The following UBTD1 variants were observed in gnomAD, a reference collection of about 807,000 sequenced individuals.
UBTD1 encodes ubiquitin domain containing 1, also known as ubiquitin domain-containing protein 1.
Under a neutral mutation model 21.7 loss-of-function variants are expected in UBTD1, and 19 were observed. The ratio of observed to expected loss-of-function variants is 0.87; its 90% CI spans 0.61 to 1.28. UBTD1 has a LOEUF of 1.28. Among genes scored for constraint, UBTD1 ranks in the 50% most tolerant of loss-of-function variants. The pLI is 0.00. For missense variants in UBTD1, 282 were observed against 315.1 expected (o/e 0.89, Z 0.80); for synonymous variants, 116 against 135.1 (o/e 0.86, Z 0.98).
At chr10:97,501,120 AC>A (rs1350973752) in intron 1 of UBTD1, among the ~76,000 whole-genome samples, 1 of 151,980 alleles carries the variant, frequency 6.6e-6, no homozygotes, top group African/African-American at 2.4e-5. Context: ...GCCCCTTGCC[AC>A]CCTACTTTGT....
At chr10:97,528,658 G>C (rs2040506288) in intron 1 of UBTD1, among the ~76,000 whole-genome samples, 1 of 68,048 alleles carries the variant, frequency 1.5e-5, no homozygotes, top group Non-Finnish European at 3.1e-5. Flanking sequence ...GGGGCGGCTG[G>C]CCGGGCGGGG....
At chr10:97,521,092 G>A (rs887366883) in intron 1 of UBTD1, among the ~76,000 whole-genome samples, 3 of 152,272 alleles carry the variant, frequency 2.0e-5, no homozygotes, top group African/African-American at 4.8e-5. Flanking sequence ...CTCCCATCTC[G>A]CCTCCCCAGC....
At chr10:97,539,963 C>A (rs1452620945) in intron 1 of UBTD1, among the ~76,000 whole-genome samples, 1 of 152,222 alleles carries the variant, frequency 6.6e-6, no homozygotes, top group Non-Finnish European at 1.5e-5. Flanking sequence ...ACAACCACCC[C>A]CAGAGGGCTG....
At position 97,568,084 on chromosome 10, in the gene UBTD1, A is replaced by G. The variant is rs1444841734; in HGVS notation, c.241A>G (p.Asn81Asp). The change falls in exon 2 of 3, where the codon AAC (asparagine) becomes GAC (aspartate). Residue 81 changes from asparagine to aspartate, a missense_variant. Asn to Asp is a conservative substitution (Grantham distance 23). Coordinates refer to ENST00000370664, the MANE Select transcript of UBTD1 (RefSeq NM_024954.5). The stretch of plus-strand genomic sequence containing the variant: ...GGCTGCCGCCTATGCTGCTGAAGCC[A>G]ACGACCACGAGCTGGCCCAGGCCAT... ...LKAAAYAAEA[N>D]DHELAQAILD... The G allele has an allele frequency of 6.2e-7, 1 of 1,613,882 alleles. No individual in the cohort carries two copies. The highest frequency in any genetic ancestry group is 8.5e-7 in the Non-Finnish European group (1 of 1,180,042).
chr10:97,534,705 T>C (rs1235888188), intron 1 of UBTD1, among the ~76,000 whole-genome samples: 1 of 152,010 alleles, frequency 6.6e-6, no homozygotes, highest in African/African-American at 2.4e-5. Context: ...GAAAAGGTGG[T>C]GTGTGTTCCT....
chr10:97,541,559 C>T (rs946044037), intron 1 of UBTD1, among the ~76,000 whole-genome samples: 2 of 152,086 alleles, frequency 1.3e-5, no homozygotes, highest in African/African-American at 4.8e-5. Context: ...TTTCAAGCTC[C>T]TACTGTGTGC....
chr10:97,568,093 G>T lies in UBTD1; in HGVS notation c.250G>T (p.Glu84Ter). ...CTATGCTGCTGAAGCCAACGACCAC[G>T]AGCTGGCCCAGGCCATCCTGGATGG... ...AAYAAEANDH[E>*]LAQAILDGAS... The change falls in exon 2 of 3, where the codon GAG (glutamate) becomes TAG (stop). Residue 84 changes from glutamate to a stop codon, truncating the protein, a stop_gained. Transcript: ENST00000370664. LOFTEE classifies it high-confidence loss of function. 1 of 1,613,802 alleles carries T rather than the reference G, an allele frequency of 6.2e-7. No homozygotes were observed. The highest frequency in any genetic ancestry group is 8.5e-7 in the Non-Finnish European group (1 of 1,180,048).
chr10:97,533,544 G>A (rs893947833), intron 1 of UBTD1, among the ~76,000 whole-genome samples: 4 of 152,154 alleles, frequency 2.6e-5, no homozygotes, highest in South Asian at 4.1e-4. Context: ...AGGGAATGAG[G>A]CCTGATCTGT....
intron 1 of UBTD1, among the ~76,000 whole-genome samples, chr10:97,517,460 AG>A (rs2040449416): frequency 6.6e-6 from 1 of 152,108 alleles, no homozygotes; most frequent in South Asian, 2.1e-4. Context: ...AAGTCGCCTC[AG>A]CTCCCTCATC....
At chr10:97,529,737 AAGAG>A (rs1186851093) in intron 1 of UBTD1, among the ~76,000 whole-genome samples, 5 of 53,094 alleles carry the variant, frequency 9.4e-5, no homozygotes, top group African/African-American at 2.1e-4. Flanking sequence ...AGACCGTGGA[AAGAG>A]AGGGAGAGGG....
At chr10:97,530,859 AT>A (rs775845258) in intron 1 of UBTD1, among the ~76,000 whole-genome samples, 6 of 151,626 alleles carry the variant, frequency 4.0e-5, no homozygotes, top group Non-Finnish European at 7.4e-5. Flanking sequence ...TTATTATATA[AT>A]TTTTATTTTA....
At position 97,499,310 on chromosome 10, in the gene UBTD1, C is replaced by A. The variant is rs759017324; in HGVS notation, c.70+37C>A. The A allele has an allele frequency of 9.1e-6, 14 of 1,539,626 alleles. No homozygotes were observed. In the South Asian group the frequency reaches 1.7e-4, roughly 19 times the overall value. On this transcript the variant is annotated intron_variant, in intron 1 of 2. Transcript: ENST00000370664. ...GAAGGGAGCAGGGCCTCGGGCATCC[C>A]GCCAGTTGTCCCCCTCCTCGCCCGA...
chr10:97,542,153 G>A (rs1269671263), intron 1 of UBTD1, among the ~76,000 whole-genome samples: 1 of 152,210 alleles, frequency 6.6e-6, no homozygotes, highest in East Asian at 1.9e-4. Context: ...CCAGGGCGGG[G>A]GTCAGGCTGA....
At chr10:97,559,923 G>A (rs1245807793) in intron 1 of UBTD1, among the ~76,000 whole-genome samples, 10 of 151,700 alleles carry the variant, frequency 6.6e-5, no homozygotes, top group Admixed American at 6.6e-5. Context: ...ACATTTTTAT[G>A]CCCCTTTATA....
intron 1 of UBTD1, among the ~76,000 whole-genome samples, chr10:97,561,000 G>C (rs1427926291): frequency 1.3e-5 from 2 of 152,074 alleles, no homozygotes; most frequent in Non-Finnish European, 2.9e-5. Flanking sequence ...GGCACGTCGT[G>C]GGTGATCAGG....
intron 1 of UBTD1, among the ~76,000 whole-genome samples, chr10:97,508,555 G>T (rs980142203): frequency 2.0e-5 from 3 of 152,132 alleles, no homozygotes; most frequent in African/African-American, 7.2e-5. Context: ...CTCACAGCTC[G>T]TTCCATTGTG....
At chr10:97,513,681 C>G (rs182235480) in intron 1 of UBTD1, among the ~76,000 whole-genome samples, 93 of 152,308 alleles carry the variant, frequency 6.1e-4, no homozygotes, top group Non-Finnish European at 1.1e-3. Flanking sequence ...CTTACCCAGA[C>G]AGAGTCTCCA....
At chr10:97,501,488 G>A (rs2040376167) in intron 1 of UBTD1, among the ~76,000 whole-genome samples, 1 of 152,210 alleles carries the variant, frequency 6.6e-6, no homozygotes, top group South Asian at 2.1e-4. Context: ...TACTCAGGAG[G>A]CTGAGGCAGG....
intron 1 of UBTD1, among the ~76,000 whole-genome samples, chr10:97,519,889 G>A (rs1222334627): frequency 6.6e-6 from 1 of 151,954 alleles, no homozygotes; most frequent in Non-Finnish European, 1.5e-5. Context: ...CCCTGCAGGT[G>A]TTTACTGGAG....
Sources: gnomAD v4.1 joint callset for allele counts (sites outside exome capture counted in the v4.1 genomes callset) on GRCh38, gnomAD v4.1.1 for gene constraint, MANE v1.5 for transcripts, NCBI Gene and HGNC (gene_info 2026-07-23, HGNC 2026-07-21) for gene names.